The following CBLN2 variants were observed in gnomAD, a reference collection of about 807,000 sequenced individuals.
CBLN2 encodes cerebellin 2 precursor.
In CBLN2, 7 loss-of-function variants were observed where a neutral mutation model predicts 15.0. The observed-to-expected ratio is 0.47, with a 90% CI of 0.27 to 0.88. The LOEUF is 0.88. Ranked by LOEUF, CBLN2 falls within the 40% of genes least tolerant of loss-of-function variation. CBLN2 has a pLI of 0.14. For synonymous variants in CBLN2, 149 were observed against 135.2 expected (o/e 1.10, Z -0.71); for missense variants, 242 against 304.5 (o/e 0.79, Z 1.53).
In CBLN2 at chr18:72,637,281, C is replaced by CAA. The variant is rs56971218; in HGVS notation, c.15+1042_15+1043dup. On this transcript the variant is annotated intron_variant, in intron 1 of 2. Transcript: ENST00000581073. ...TTGGGCGATTGTGCCACAGAACAAG[C>CAA]AAAAAAAAAAAATGGCCCTCCTACG... Among the ~76,000 whole-genome samples the CAA allele has an allele frequency of 1.6e-3, 241 of 150,302 alleles. 1 individual carries two copies. Among genetic ancestry groups the CAA allele is most frequent in the South Asian group, 9.6e-3 (46 of 4,770 alleles).
At chr18:72,608,229 G>C in intron 1 of CBLN2, among the ~76,000 whole-genome samples, 1 of 152,212 alleles carries the variant, frequency 6.6e-6, no homozygotes. Flanking sequence ...TTCCTTCATA[G>C]CTTTTGAAAC....
chr18:72,540,886 A>C (rs2069103991), intron 3 of CBLN2, among the ~76,000 whole-genome samples: 1 of 152,256 alleles, frequency 6.6e-6, no homozygotes, highest in Non-Finnish European at 1.5e-5. Context: ...TCCGTGGGAA[A>C]CACTTTGGTA....
At position 72,538,616 on chromosome 18, in the gene CBLN2, C is replaced by T; in HGVS notation, c.477+37G>A. On this transcript the variant is annotated intron_variant, in intron 4 of 4. Coordinates refer to ENST00000269503, the MANE Select transcript of CBLN2 (RefSeq NM_182511.4). ...GCCTTTAGCAATGGGGAACTATTAA[C>T]TCAAACCTGAAAGGATCCAGTTTCA... 2.5e-6 allele frequency: 4 copies of T among 1,611,898 alleles called. 1 individual carries two copies. The South Asian group carries it at 4.4e-5, about 18-fold the overall frequency.
At position 72,626,838 on chromosome 18, in the gene CBLN2, C is replaced by T. The variant is rs559147326; in HGVS notation, c.15+11487G>A. ...AGAAAGTCTTGAAACTGAATTGTGG[C>T]TTTCATCCAACCTTCTGCTCAGCCT... On this transcript the variant is annotated intron_variant, in intron 1 of 2. Transcript: ENST00000581073. 7.2e-5 allele frequency among the ~76,000 whole-genome samples: 11 copies of T among 152,328 alleles called. No homozygotes were observed. In the South Asian group the frequency reaches 1.2e-3, roughly 17 times the overall value.
At chr18:72,558,846 G>C (rs1428827535) in intron 1 of CBLN2, among the ~76,000 whole-genome samples, 1 of 152,074 alleles carries the variant, frequency 6.6e-6, no homozygotes, top group Admixed American at 6.5e-5. Context: ...TTGAGCCCGG[G>C]AGTTCAAGAC....
At position 72,542,107 on chromosome 18, in the gene CBLN2, G is replaced by A; in HGVS notation, c.54C>T (p.Arg18=). ...CGCCCGGCTCGCGCAGCGCCCCCCG[G>A]CGCCCGGGCATCATCAGCCGCAGCC... ...PLGLRLMMPG[R]RGALREPGGC... The change falls in exon 3 of 5, where the codon CGC becomes CGT. Residue 18 remains arginine, a synonymous_variant. Coordinates refer to ENST00000269503, the MANE Select transcript of CBLN2 (RefSeq NM_182511.4). The A allele has an allele frequency of 2.1e-6, 3 of 1,456,512 alleles. No homozygotes were observed. Among genetic ancestry groups the A allele is most frequent in the Non-Finnish European group, 2.7e-6 (3 of 1,114,638 alleles). 90.2% of individuals were successfully genotyped at this position (1,456,512 alleles called of 1,614,324 possible).
intron 1 of CBLN2, among the ~76,000 whole-genome samples, chr18:72,554,749 AC>A (rs2144885684): frequency 6.6e-6 from 1 of 152,258 alleles, no homozygotes; most frequent in South Asian, 2.1e-4. Context: ...CTCAATAAAA[AC>A]GTTAAAGAAA....
intron 1 of CBLN2, among the ~76,000 whole-genome samples, chr18:72,610,669 A>G (rs532660819): frequency 6.6e-6 from 1 of 152,306 alleles, no homozygotes; most frequent in East Asian, 1.9e-4. Flanking sequence ...TCCCTCCTTT[A>G]TAGCAGTTCC....
At chr18:72,625,517 A>G (rs2069730227) in intron 1 of CBLN2, among the ~76,000 whole-genome samples, 2 of 151,590 alleles carry the variant, frequency 1.3e-5, no homozygotes, top group Admixed American at 6.6e-5. Context: ...TTTTCTGTTC[A>G]TTCTTGTATC....
chr18:72,620,403 A>G (rs2069692603), intron 1 of CBLN2: 1 of 152,220 alleles, frequency 6.6e-6, no homozygotes, highest in Non-Finnish European at 1.5e-5. Context: ...GGAGCTGGAA[A>G]GGAAATGGGA....
At chr18:72,577,839 G>T (rs2069378085) in intron 1 of CBLN2, among the ~76,000 whole-genome samples, 1 of 152,162 alleles carries the variant, frequency 6.6e-6, no homozygotes, top group Admixed American at 6.5e-5. Context: ...ATAATAGTTT[G>T]TACTAAGAAT....
chr18:72,545,914 A>G (rs950763661), upstream of CBLN2, among the ~76,000 whole-genome samples: 2 of 152,190 alleles, frequency 1.3e-5, no homozygotes, highest in African/African-American at 4.8e-5. Context: ...AAAGAAAACC[A>G]CTTTCTATGT....
chr18:72,638,456 C>G, exon 1 of CBLN2: 1 of 397,182 alleles, frequency 2.5e-6, no homozygotes, highest in East Asian at 3.6e-5. Flanking sequence ...CAATGACAGA[C>G]TTGTTATCCT....
intron 1 of CBLN2, among the ~76,000 whole-genome samples, chr18:72,579,220 A>G (rs991381706): frequency 6.6e-6 from 1 of 152,190 alleles, no homozygotes; most frequent in African/African-American, 2.4e-5. Context: ...AGTATAAATC[A>G]CTCTGACATG....
chr18:72,586,038 C>T (rs938027561), intron 1 of CBLN2, among the ~76,000 whole-genome samples: 11 of 152,126 alleles, frequency 7.2e-5, no homozygotes, highest in Non-Finnish European at 1.3e-4. Flanking sequence ...GGAGGGATAC[C>T]CAGGTCTGCA....
At chr18:72,561,788 G>A (rs1452573295) in intron 1 of CBLN2, among the ~76,000 whole-genome samples, 17 of 152,156 alleles carry the variant, frequency 1.1e-4, no homozygotes, top group Admixed American at 3.9e-4. Context: ...CCCTCTGTCC[G>A]TGCGGCAATA....
upstream of CBLN2, among the ~76,000 whole-genome samples, chr18:72,547,198 C>A (rs746505566): frequency 2.0e-5 from 3 of 151,952 alleles, no homozygotes; most frequent in East Asian, 3.9e-4. Flanking sequence ...GAAATCATGT[C>A]TTTTGCAGCG....
chr18:72,623,076 C>G (rs2069712076), intron 1 of CBLN2, among the ~76,000 whole-genome samples: 1 of 152,146 alleles, frequency 6.6e-6, no homozygotes, highest in South Asian at 2.1e-4. Context: ...TCTTACATGA[C>G]AGGAGCAGGA....
intron 1 of CBLN2, among the ~76,000 whole-genome samples, chr18:72,576,591 C>G (rs1247928681): frequency 6.6e-6 from 1 of 152,036 alleles, no homozygotes; most frequent in African/African-American, 2.4e-5. Context: ...ATACTGCTGT[C>G]AAGGGTATAA....
Sources: gnomAD v4.1 joint callset for allele counts (sites outside exome capture counted in the v4.1 genomes callset) on GRCh38, gnomAD v4.1.1 for gene constraint, MANE v1.5 for transcripts, NCBI Gene and HGNC (gene_info 2026-07-23, HGNC 2026-07-21) for gene names.